USP27X: variants seen among roughly 807,000 people sequenced by gnomAD.
USP27X encodes the protein ubiquitin specific peptidase 27 X-linked.
For missense variants in USP27X, 161 were observed against 341.0 expected, an observed-to-expected ratio of 0.47 and a Z score of 4.16; for synonymous variants, 109 against 141.5, an observed-to-expected ratio of 0.77 and a Z score of 1.63.
Position 49,880,961 on chromosome X carries a change from C to T in USP27X, c.654C>T (p.Gly218=), listed in dbSNP as rs1557162623. The change falls in exon 1 of 1, where the codon GGC becomes GGT. Residue 218 remains glycine (G), a synonymous_variant. Transcript: ENST00000621775. The part of the protein sequence containing the change: ...QSDVTCQACH[G]VSTTIDPCWD... ...ATGTCACCTGTCAAGCCTGCCATGG[C>T]GTCTCCACCACGATAGACCCATGCT... The T allele has an allele frequency of 1.7e-6, 2 of 1,206,003 alleles. No individual in the cohort carries two copies. Among genetic ancestry groups the T allele is most frequent in the South Asian group, 1.8e-5 (1 of 55,853 alleles).
Position 49,881,729 on chromosome X carries a change from G to C in USP27X, c.*105G>C. The C allele has an allele frequency of 7.1e-6, 5 of 706,693 alleles. No individual in the cohort carries two copies. The highest frequency in any genetic ancestry group is 1.0e-5 in the Non-Finnish European group (5 of 482,689). 58.2% of individuals were successfully genotyped at this position (706,693 alleles called of 1,213,427 possible). On this transcript the variant is annotated 3_prime_UTR_variant, in exon 1 of 1. Transcript: ENST00000621775. ...GACCATGGCCCATGGGCCTGACAGA[G>C]TAAGAATTGAACAGTACCCAGTGTC...
chrX:49,882,382 GA>G lies in USP27X; in HGVS notation c.*759del, dbSNP rs1924416072. 1 of 116,793 alleles carries G rather than the reference GA, an allele frequency of 8.6e-6. No homozygotes were observed. Among genetic ancestry groups the G allele is most frequent in the Non-Finnish European group, 2.0e-5 (1 of 51,280 alleles). The allele number at this position is 116,793 out of a possible 1,213,427, so 9.6% of individuals were successfully genotyped here. On this transcript the variant is annotated 3_prime_UTR_variant, in exon 1 of 1. Transcript: ENST00000621775. ...AAAAAAAGAAAAAAAAAAGCTGTAT[GA>G]TATACTTGAGCAAATCAATGAACCT...
chrX:49,881,555 G>A lies in USP27X; in HGVS notation c.1248G>A (p.Leu416=). Residue 416 remains leucine, a synonymous_variant, in exon 1 of 1, where the codon CTG becomes CTA. Transcript: ENST00000621775. ...KDVLDSEGYL[L]FYHKQVLEHE... is the part of the protein sequence containing the mutation. ...TACTGGACAGTGAAGGGTATTTACT[G>A]TTCTATCACAAACAGGTGCTAGAAC... 8.4e-7 allele frequency: 1 copy of A among 1,196,584 alleles called. No homozygotes were observed. Among genetic ancestry groups the A allele is most frequent in the African/African-American group, 1.7e-5 (1 of 57,475 alleles).
At position 49,881,441 on chromosome X, in the gene USP27X, T is replaced by C. The variant is rs782649552; in HGVS notation, c.1134T>C (p.Ser378=). 1 of 1,210,274 alleles carries C rather than the reference T, an allele frequency of 8.3e-7. No individual in the cohort carries two copies. Among genetic ancestry groups the C allele is most frequent in the Admixed American group, 2.2e-5 (1 of 45,906 alleles). Residue 378 remains serine (S), a synonymous_variant, in exon 1 of 1, where the codon AGT becomes AGC. Coordinates refer to ENST00000621775, the MANE Select transcript of USP27X (RefSeq NM_001145073.3). The stretch of plus-strand genomic sequence containing the variant: ...TTAATCACCAAGGAACCTTGGAGAG[T>C]GGCCACTATACCAGCTTCATCCGGC... ...AVVNHQGTLE[S]GHYTSFIRHH...
Position 49,880,874 on chromosome X carries a change from C to T in USP27X, c.567C>T (p.Ala189=), listed in dbSNP as rs782734280. ...AAGGTGATGATGTCGGGAAGGCGGC[C>T]AACAATCCCAACCACTGTAACTGCA... ...HCKGDDVGKA[A]NNPNHCNCII... The change falls in exon 1 of 1, where the codon GCC becomes GCT. Residue 189 remains alanine (A), a synonymous_variant. Coordinates refer to ENST00000621775, the MANE Select transcript of USP27X (RefSeq NM_001145073.3). 20 of 1,209,575 alleles carry T rather than the reference C, an allele frequency of 1.7e-5. No homozygotes were observed. The highest frequency in any genetic ancestry group is 2.1e-5 in the Non-Finnish European group (19 of 894,405).
chrX:49,881,390 A>T lies in USP27X; in HGVS notation c.1083A>T (p.Glu361Asp). 8.3e-7 allele frequency: 1 copy of T among 1,207,393 alleles called. No homozygotes were observed. The highest frequency in any genetic ancestry group is 1.1e-6 in the Non-Finnish European group (1 of 893,215). The change falls in exon 1 of 1, where the codon GAA becomes GAT. Residue 361 changes from glutamate (E) to aspartate (D), a missense_variant. Coordinates refer to ENST00000621775, the MANE Select transcript of USP27X (RefSeq NM_001145073.3). ...LQLPTNSGNN[E>D]NKYSLFAVVN... The stretch of plus-strand genomic sequence containing the variant: ...TGCCAACCAATAGTGGAAACAACGA[A>T]AATAAGTATTCCTTGTTTGCTGTGG...
rs1206693976 is a variant in USP27X at position 49,879,689 on chromosome X, T to A, written c.-619T>A. The stretch of plus-strand genomic sequence containing the variant: ...CTGGGAAGGTGGAGACGGCGGAGGG[T>A]CCGGGCCGCCGGGCTGAGCTCAAGC... On this transcript the variant is annotated 5_prime_UTR_variant, in exon 1 of 1. Transcript: ENST00000621775. Among the ~76,000 whole-genome samples the A allele has an allele frequency of 9.5e-6, 1 of 105,586 alleles. No individual in the cohort carries two copies. Among genetic ancestry groups the A allele is most frequent in the Non-Finnish European group, 1.9e-5 (1 of 51,404 alleles). 91.7% of individuals were successfully genotyped at this position (105,586 alleles called of 115,157 possible). A position where few individuals can be genotyped will look rare whatever the true frequency, so the allele number is the denominator to read the frequency against.
In USP27X at chrX:49,881,694, G is replaced by C; in HGVS notation, c.*70G>C. 1.1e-6 allele frequency: 1 copy of C among 933,413 alleles called. No homozygotes were observed. The highest frequency in any genetic ancestry group is 3.2e-5 in the Admixed American group (1 of 31,073). 76.9% of individuals were successfully genotyped at this position (933,413 alleles called of 1,213,427 possible). ...ACTACAACTGGCATCGAGATCTAAAGGACCTACTTGACCATGGCCCATGGG... is the reference window on the plus strand; with the variant it reads ...ACTACAACTGGCATCGAGATCTAAACGACCTACTTGACCATGGCCCATGGG... On this transcript the variant is annotated 3_prime_UTR_variant, in exon 1 of 1. Coordinates refer to ENST00000621775, the MANE Select transcript of USP27X (RefSeq NM_001145073.3).
rs1557162874 is a variant in USP27X, at chrX:49,881,980, C to T, written c.*356C>T. 5.6e-6 allele frequency: 1 copy of T among 177,964 alleles called. No homozygotes were observed. Among genetic ancestry groups the T allele is most frequent in the African/African-American group, 3.1e-5 (1 of 31,857 alleles). The allele number at this position is 177,964 out of a possible 1,213,427, so 14.7% of individuals were successfully genotyped here. On this transcript the variant is annotated 3_prime_UTR_variant, in exon 1 of 1. Transcript: ENST00000621775. ...GGAGTGTGCCCTTGTAACCGTAAAA[C>T]ATCTTTCTCCATGGGTGTTTCAGCT...
chrX:49,881,279 T>G lies in USP27X; in HGVS notation c.972T>G (p.Thr324=). Residue 324 remains threonine, a synonymous_variant, in exon 1 of 1, where the codon ACT becomes ACG. Transcript: ENST00000621775. ...EHSAKQRRKI[T]TYISFPLELD... is the part of the protein sequence containing the mutation. Reference sequence around the variant, plus strand: ...CAGCGAAACAGAGGCGCAAGATCACTACATACATTTCCTTTCCTCTGGAGC... The same window carrying G: ...CAGCGAAACAGAGGCGCAAGATCACGACATACATTTCCTTTCCTCTGGAGC... 1 of 1,169,262 alleles carries G rather than the reference T, an allele frequency of 8.6e-7. No individual in the cohort carries two copies. The highest frequency in any genetic ancestry group is 3.2e-5 in the East Asian group (1 of 30,884).
Position 49,881,619 on chromosome X carries a change from T to C in USP27X, c.1312T>C (p.Tyr438His), listed in dbSNP as rs782479748. 8.7e-7 allele frequency: 1 copy of C among 1,149,476 alleles called. No homozygotes were observed. The allele number at this position is 1,149,476 out of a possible 1,213,427, so 94.7% of individuals were successfully genotyped here. A position where few individuals can be genotyped will look rare whatever the true frequency, so the allele number is the denominator to read the frequency against. The change falls in exon 1 of 1, where the codon TAC (tyrosine) becomes CAC (histidine). Residue 438 changes from tyrosine (Y) to histidine (H), a missense_variant. Coordinates refer to ENST00000621775, the MANE Select transcript of USP27X (RefSeq NM_001145073.3). Reference protein sequence around the residue: ...EKVKEMNTQAY With the variant: ...EKVKEMNTQAH Reference sequence around the variant, plus strand: ...AGTGAAAGAAATGAACACACAAGCCTACTGAAGTGACACACAGACCTACCT... The same window carrying C: ...AGTGAAAGAAATGAACACACAAGCCCACTGAAGTGACACACAGACCTACCT...
Position 49,879,510 on chromosome X carries a change from GAGGTAGAGGAGGCGGAGACGGCGGAGA to G in USP27X, c.-794_-768del, listed in dbSNP as rs1206646874. On this transcript the variant is annotated 5_prime_UTR_variant, in exon 1 of 1. Coordinates refer to ENST00000621775, the MANE Select transcript of USP27X (RefSeq NM_001145073.3). ...GGAGCCGCCGCCAGTGGAGGCGGAG[GAGGTAGAGGAGGCGGAGACGGCGGAGA>G]AGGCGGAGAGGAAGGTGGAGGCGGA... Among the ~76,000 whole-genome samples, 1 of 111,601 alleles carries G rather than the reference GAGGTAGAGGAGGCGGAGACGGCGGAGA, an allele frequency of 9.0e-6. No homozygotes were observed. The highest frequency in any genetic ancestry group is 1.9e-5 in the Non-Finnish European group (1 of 52,862).
rs782092833 is a variant in USP27X at position 49,881,285 on chromosome X, C to T, written c.978C>T (p.Tyr326=). Residue 326 remains tyrosine, a synonymous_variant, in exon 1 of 1, where the codon TAC becomes TAT. Coordinates refer to ENST00000621775, the MANE Select transcript of USP27X (RefSeq NM_001145073.3). ...AACAGAGGCGCAAGATCACTACATA[C>T]ATTTCCTTTCCTCTGGAGCTGGATA... ...SAKQRRKITT[Y]ISFPLELDMT... is the part of the protein sequence containing the mutation. The T allele has an allele frequency of 1.7e-5, 20 of 1,169,474 alleles. No individual in the cohort carries two copies.
In USP27X at chrX:49,880,285, A is replaced by G. The variant is rs1201716071; in HGVS notation, c.-23A>G. On this transcript the variant is annotated 5_prime_UTR_variant, in exon 1 of 1. Transcript: ENST00000621775. ...CAACACAACTTAGCAGTAGACCTGTATTACGGAGGTATATACTGCTTTATG... is the reference window on the plus strand; with the variant it reads ...CAACACAACTTAGCAGTAGACCTGTGTTACGGAGGTATATACTGCTTTATG... 3 of 1,085,335 alleles carry G rather than the reference A, an allele frequency of 2.8e-6. No individual in the cohort carries two copies. The highest frequency in any genetic ancestry group is 1.9e-5 in the African/African-American group (1 of 53,819). 89.4% of individuals were successfully genotyped at this position (1,085,335 alleles called of 1,213,427 possible).
Position 49,880,115 on chromosome X carries a change from A to C in USP27X, c.-193A>C, listed in dbSNP as rs1222620899. 1.2e-5 allele frequency: 5 copies of C among 408,285 alleles called. No homozygotes were observed. Among genetic ancestry groups the C allele is most frequent in the Non-Finnish European group, 2.1e-5 (5 of 232,726 alleles). 33.6% of individuals were successfully genotyped at this position (408,285 alleles called of 1,213,427 possible). A position where few individuals can be genotyped will look rare whatever the true frequency, so the allele number is the denominator to read the frequency against. On this transcript the variant is annotated 5_prime_UTR_variant, in exon 1 of 1. Coordinates refer to ENST00000621775, the MANE Select transcript of USP27X (RefSeq NM_001145073.3). The stretch of plus-strand genomic sequence containing the variant: ...TCTACCAGTGCTTCGTGTGGTGTGG[A>C]ACCCCAGAGACCAGGAAAAGCAAGG...
rs1323615110 is a variant in USP27X, at chrX:49,881,585, G to A, written c.1278G>A (p.Glu426=). Residue 426 remains glutamate (E), a synonymous_variant, in exon 1 of 1, where the codon GAG becomes GAA. Transcript: ENST00000621775. ...ATCACAAACAGGTGCTAGAACATGA[G>A]TCAGAAAAAGTGAAAGAAATGAACA... ...LFYHKQVLEH[E]SEKVKEMNTQ... The A allele has an allele frequency of 1.7e-6, 2 of 1,172,435 alleles. No homozygotes were observed. Among genetic ancestry groups the A allele is most frequent in the Non-Finnish European group, 2.3e-6 (2 of 875,130 alleles).
chrX:49,880,010 T>G lies in USP27X; in HGVS notation c.-298T>G. 2.3e-5 allele frequency: 4 copies of G among 170,426 alleles called. No homozygotes were observed. Among genetic ancestry groups the G allele is most frequent in the East Asian group, 1.2e-4 (1 of 8,360 alleles). The allele number at this position is 170,426 out of a possible 1,213,427, so 14.0% of individuals were successfully genotyped here. A position where few individuals can be genotyped will look rare whatever the true frequency, so the allele number is the denominator to read the frequency against. ...CTGGGGGCGGATGCCTGGATGTGGA[T>G]TTTGCCGTGGGGCCACCAGGCTGTT... On this transcript the variant is annotated 5_prime_UTR_variant, in exon 1 of 1. Coordinates refer to ENST00000621775, the MANE Select transcript of USP27X (RefSeq NM_001145073.3).
Position 49,879,553 on chromosome X carries a change from T to TGGAGGC in USP27X, c.-747_-742dup, listed in dbSNP as rs1423281608. ...ACGGCGGAGAAGGCGGAGAGGAAGG[T>TGGAGGC]GGAGGCGGAGGCGAAGGTGGAGGGG... On this transcript the variant is annotated 5_prime_UTR_variant, in exon 1 of 1. Transcript: ENST00000621775. 1.0e-5 allele frequency among the ~76,000 whole-genome samples: 1 copy of TGGAGGC among 97,257 alleles called. No homozygotes were observed. Among genetic ancestry groups the TGGAGGC allele is most frequent in the Admixed American group, 1.1e-4 (1 of 9,507 alleles). The allele number at this position is 97,257 out of a possible 115,157, so 84.5% of individuals were successfully genotyped here. A position where few individuals can be genotyped will look rare whatever the true frequency, so the allele number is the denominator to read the frequency against.
In USP27X at chrX:49,881,623, GA is replaced by G; in HGVS notation, c.*1del. The G allele has an allele frequency of 8.7e-7, 1 of 1,146,809 alleles. No individual in the cohort carries two copies. The allele number at this position is 1,146,809 out of a possible 1,213,427, so 94.5% of individuals were successfully genotyped here. A position where few individuals can be genotyped will look rare whatever the true frequency, so the allele number is the denominator to read the frequency against. ...KVKEMNTQAY[*>X] ...AAAGAAATGAACACACAAGCCTACT[GA>G]AGTGACACACAGACCTACCTGCAAT... On this transcript the variant is annotated frameshift_variant and stop_lost, in exon 1 of 1. Transcript: ENST00000621775. LOFTEE classifies it high-confidence loss of function.
Sources: allele counts gnomAD v4.1 joint callset (sites outside exome capture counted in the v4.1 genomes callset), GRCh38; gene constraint gnomAD v4.1.1; transcripts MANE v1.5; gene names NCBI Gene and HGNC (gene_info 2026-07-23, HGNC 2026-07-21).